Variants in ADAMTS19 observed in about 807,000 individuals in gnomAD.
ADAMTS19 encodes ADAM metallopeptidase with thrombospondin type 1 motif 19, also known as A disintegrin and metalloproteinase with thrombospondin motifs 19.
In ADAMTS19, 93 loss-of-function variants were observed where a neutral mutation model predicts 153.3. The ratio of observed to expected loss-of-function variants is 0.61; its 90% confidence interval spans 0.51 to 0.72. ADAMTS19 has a LOEUF of 0.72. ADAMTS19 is among the 30% of genes least tolerant of loss of function. ADAMTS19 has a pLI of 0.00. For synonymous variants in ADAMTS19, 600 were observed against 556.6 expected, an observed-to-expected ratio of 1.08 and a Z score of -1.10; for missense variants, 1,482 against 1,552.1, an observed-to-expected ratio of 0.95 and a Z score of 0.76.
intron 7 of ADAMTS19, among the ~76,000 whole-genome samples, chr5:129,561,480 G>A (rs1011647771): frequency 9.9e-5 from 15 of 150,940 alleles, no homozygotes; most frequent in African/African-American, 3.4e-4. Flanking sequence ...AGTGAGCCGA[G>A]ATTGCGCCAC....
intron 17 of ADAMTS19, among the ~76,000 whole-genome samples, chr5:129,682,336 C>T (rs961452335): frequency 1.3e-5 from 2 of 152,204 alleles, no homozygotes; most frequent in African/African-American, 2.4e-5. Flanking sequence ...TGCCATGCTT[C>T]AGCATGTGCC....
chr5:129,500,666 G>A (rs904029785), intron 2 of ADAMTS19: 3 of 152,122 alleles, frequency 2.0e-5, no homozygotes, highest in Non-Finnish European at 4.4e-5. Context: ...AACAGATTAT[G>A]AAGCAAATAT....
Position 129,685,809 on chromosome 5 carries a change from A to C in ADAMTS19, c.2818+1536A>C, listed in dbSNP as rs182126144. ...TGCATTTTTAAGAATCAAACAAAAA[A>C]CTAGGGATGCAAAGGAGAGAGCAAA... On this transcript the variant is annotated intron_variant, in intron 18 of 22. Coordinates refer to ENST00000274487, the MANE Select transcript of ADAMTS19 (RefSeq NM_133638.6). Among the ~76,000 whole-genome samples, 4 of 152,310 alleles carry C rather than the reference A, an allele frequency of 2.6e-5. No individual in the cohort carries two copies. The East Asian group carries it at 5.8e-4, about 22-fold the overall frequency.
intron 2 of ADAMTS19, among the ~76,000 whole-genome samples, chr5:129,492,038 A>G (rs1235841731): frequency 6.6e-6 from 1 of 152,194 alleles, no homozygotes; most frequent in Non-Finnish European, 1.5e-5. Flanking sequence ...TAATTTATAA[A>G]GAGGTTTAAT....
At chr5:129,589,350 A>G (rs1034777790) in intron 7 of ADAMTS19, among the ~76,000 whole-genome samples, 2 of 151,732 alleles carry the variant, frequency 1.3e-5, no homozygotes, top group Admixed American at 6.6e-5. Context: ...TTTCCAGATT[A>G]ATGCTTATTG....
chr5:129,523,843 G>T (rs543435814), intron 3 of ADAMTS19, among the ~76,000 whole-genome samples: 3 of 152,190 alleles, frequency 2.0e-5, no homozygotes, highest in Admixed American at 6.5e-5. Context: ...AAAAAATCAT[G>T]CTCATGGATA....
At chr5:129,596,066 T>G (rs1226599686) in intron 7 of ADAMTS19, among the ~76,000 whole-genome samples, 1 of 152,050 alleles carries the variant, frequency 6.6e-6, no homozygotes, top group African/African-American at 2.4e-5. Flanking sequence ...GCCATATTAG[T>G]TAACATAGTA....
At chr5:129,490,970 A>G (rs1750747514) in intron 2 of ADAMTS19, among the ~76,000 whole-genome samples, 1 of 151,956 alleles carries the variant, frequency 6.6e-6, no homozygotes, top group African/African-American at 2.4e-5. Flanking sequence ...ATAAACATAT[A>G]TTGTTGTTAG....
At chr5:129,678,314 T>C (rs530301227) in intron 16 of ADAMTS19, among the ~76,000 whole-genome samples, 2 of 152,276 alleles carry the variant, frequency 1.3e-5, no homozygotes, top group African/African-American at 4.8e-5. Context: ...CTTTCCCTTA[T>C]TTCCCTTCAC....
chr5:129,640,852 T>G (rs1236288866), intron 10 of ADAMTS19, among the ~76,000 whole-genome samples: 1 of 151,890 alleles, frequency 6.6e-6, no homozygotes, highest in Admixed American at 6.6e-5. Context: ...TGAGACAGAG[T>G]CTCACCCTGT....
At chr5:129,496,309 G>A (rs993134565) in intron 2 of ADAMTS19, among the ~76,000 whole-genome samples, 1 of 152,050 alleles carries the variant, frequency 6.6e-6, no homozygotes, top group African/African-American at 2.4e-5. Flanking sequence ...ATTTAAGATT[G>A]TCAGCCTGTA....
At chr5:129,705,978 A>C (rs2127170443) in intron 21 of ADAMTS19, among the ~76,000 whole-genome samples, 1 of 152,278 alleles carries the variant, frequency 6.6e-6, no homozygotes, top group Non-Finnish European at 1.5e-5. Flanking sequence ...TTATTTCAAT[A>C]GTTTGTGGGG....
At chr5:129,641,799 G>T in intron 10 of ADAMTS19, 60 bp from the exon 11 acceptor site, 8 of 1,043,272 alleles carry the variant, frequency 7.7e-6, no homozygotes, top group South Asian at 1.6e-5. Context: ...AACAATGATT[G>T]GCTTCACTTA....
intron 7 of ADAMTS19, among the ~76,000 whole-genome samples, chr5:129,552,397 A>C (rs1753155112): frequency 6.6e-6 from 1 of 151,890 alleles, no homozygotes; most frequent in Non-Finnish European, 1.5e-5. Flanking sequence ...CCTAAAACAG[A>C]ACCAGATAGC....
At chr5:129,487,269 A>G (rs1750629876) in intron 2 of ADAMTS19, among the ~76,000 whole-genome samples, 1 of 152,132 alleles carries the variant, frequency 6.6e-6, no homozygotes, top group Non-Finnish European at 1.5e-5. Flanking sequence ...AATTTCAGTC[A>G]GGGCTTAAAA....
At chr5:129,518,048 C>T (rs56103687) in intron 3 of ADAMTS19, among the ~76,000 whole-genome samples, 21,873 of 151,860 alleles carry the variant, frequency 0.14, 2,399 homozygotes, top group African/African-American at 0.32. Context: ...AGTATTTCCA[C>T]GAACAAATAA....
intron 7 of ADAMTS19, among the ~76,000 whole-genome samples, chr5:129,588,042 A>G (rs1243476402): frequency 1.3e-5 from 2 of 152,138 alleles, no homozygotes; most frequent in Non-Finnish European, 2.9e-5. Context: ...TTTCTGTTTT[A>G]TCCAGCCTTC....
chr5:129,475,973 A>G (rs1055317717), intron 2 of ADAMTS19, among the ~76,000 whole-genome samples: 1 of 152,238 alleles, frequency 6.6e-6, no homozygotes, highest in African/African-American at 2.4e-5. Flanking sequence ...CAGTTTTCTG[A>G]AATTCCATTT....
At chr5:129,531,241 A>C (rs1359570011) in intron 6 of ADAMTS19, among the ~76,000 whole-genome samples, 1 of 152,162 alleles carries the variant, frequency 6.6e-6, no homozygotes, top group Admixed American at 6.5e-5. Flanking sequence ...CAACCTTTTC[A>C]GGCATGTTTT....
Sources: gnomAD v4.1 joint callset for allele counts (sites outside exome capture counted in the v4.1 genomes callset) on GRCh38, gnomAD v4.1.1 for gene constraint, MANE v1.5 for transcripts, NCBI Gene and HGNC (gene_info 2026-07-23, HGNC 2026-07-21) for gene names.